The following LVRN variants were observed in gnomAD, a reference collection of about 807,000 sequenced individuals.
The protein encoded by LVRN is aminopeptidase Q.
A neutral mutation model predicts 111.4 loss-of-function variants in LVRN; 99 were observed. The ratio of observed to expected loss-of-function variants is 0.89; its 90% CI spans 0.76 to 1.05. The LOEUF is 1.05. Among genes scored for constraint, LVRN ranks in the 50% least tolerant of loss-of-function variants. The probability of loss-of-function intolerance (pLI) is 0.00; values close to 1 mark genes in which losing one functional copy is unlikely to be tolerated. For missense variants in LVRN, 1,414 were observed against 1,206.8 expected (o/e 1.17, Z -2.54); for synonymous variants, 488 against 449.5 (o/e 1.09, Z -1.08).
intron 12 of LVRN, 23 bp from the exon 13 acceptor site, chr5:116,005,889 C>T (rs778007192): frequency 1.3e-6 from 2 of 1,575,338 alleles, no homozygotes; most frequent in Non-Finnish European, 1.7e-6. Flanking sequence ...TTCTTCTGGG[C>T]ATATTTGGGT....
intron 5 of LVRN, 78 bp downstream of exon 5, chr5:115,992,355 G>A: frequency 2.0e-6 from 3 of 1,488,026 alleles, no homozygotes; most frequent in Non-Finnish European, 2.8e-6. Flanking sequence ...AAAAACCCCA[G>A]TAAGACCCTG....
chr5:115,970,883 C>A (rs1191311980), intron 1 of LVRN, among the ~76,000 whole-genome samples: 1 of 152,004 alleles, frequency 6.6e-6, no homozygotes, highest in Non-Finnish European at 1.5e-5. Context: ...GAGTAAATAC[C>A]TAAGAGTGGA....
intron 18 of LVRN, 47 bp from the exon 19 acceptor site, chr5:116,022,342 ATT>A: frequency 7.3e-7 from 1 of 1,370,460 alleles, no homozygotes; most frequent in Non-Finnish European, 1.0e-6. Flanking sequence ...ATATAGCTTT[ATT>A]TTGCAAAATG....
rs1314362294 is a variant in LVRN, at chr5:115,992,349, AC to A, written c.1260+76del. 13 of 1,544,016 alleles carry A rather than the reference AC, an allele frequency of 8.4e-6. No individual in the cohort carries two copies. The African/African-American group carries it at 1.1e-4, about 13-fold the overall frequency. On this transcript the variant is annotated intron_variant, in intron 5 of 19. Coordinates refer to ENST00000357872, the MANE Select transcript of LVRN (RefSeq NM_173800.5). Reference sequence around the variant, plus strand: ...GGTGCGCTACCAAAATAGCATAAAAACCCCAGTAAGACCCTGCCATATACCA... The same window carrying A: ...GGTGCGCTACCAAAATAGCATAAAAACCCAGTAAGACCCTGCCATATACCA...
At position 116,010,914 on chromosome 5, in the gene LVRN, T is replaced by C; in HGVS notation, c.2247+20T>C. The C allele has an allele frequency of 6.6e-7, 1 of 1,515,976 alleles. No individual in the cohort carries two copies. Among genetic ancestry groups the C allele is most frequent in the Non-Finnish European group, 8.8e-7 (1 of 1,132,540 alleles). 93.9% of individuals were successfully genotyped at this position (1,515,976 alleles called of 1,614,324 possible). A position where few individuals can be genotyped will look rare whatever the true frequency, so the allele number is the denominator to read the frequency against. On this transcript the variant is annotated intron_variant, in intron 14 of 19. Transcript: ENST00000357872. ...TTAAAGGTAATTTCATTCTTTCTTATGTAGTTTTTAAATAAATCCTCTCTT... is the reference window on the plus strand; with the variant it reads ...TTAAAGGTAATTTCATTCTTTCTTACGTAGTTTTTAAATAAATCCTCTCTT...
At chr5:115,972,402 T>G (rs1300695255) in intron 1 of LVRN, among the ~76,000 whole-genome samples, 1 of 151,738 alleles carries the variant, frequency 6.6e-6, no homozygotes, top group African/African-American at 2.4e-5. Context: ...TTCTAATTGT[T>G]GCTAATTAAT....
In LVRN at chr5:116,001,168, G is replaced by A. The variant is rs1748230077; in HGVS notation, c.1749G>A (p.Val583=). ...GTTTTCCAGTGATCACTTTAAATGT[G>A]TCTACTGGCGTCATGAAACAGGAGC... ...QSGFPVITLN[V]STGVMKQEPF... Residue 583 remains valine, a synonymous_variant, in exon 10 of 20, where the codon GTG becomes GTA. Coordinates refer to ENST00000357872, the MANE Select transcript of LVRN (RefSeq NM_173800.5). 1 of 1,613,800 alleles carries A rather than the reference G, an allele frequency of 6.2e-7. No individual in the cohort carries two copies. The highest frequency in any genetic ancestry group is 1.1e-5 in the South Asian group (1 of 91,026).
chr5:115,991,979 T>C, intron 4 of LVRN, 144 bp from the exon 5 acceptor site: 1 of 682,256 alleles, frequency 1.5e-6, no homozygotes, highest in Non-Finnish European at 2.3e-6. Context: ...TTGGCATTAG[T>C]CTTTAAAAAG....
chr5:116,014,405 G>T lies in LVRN; in HGVS notation c.2343-15G>T, dbSNP rs747884533. 4.4e-6 allele frequency: 7 copies of T among 1,593,932 alleles called. No individual in the cohort carries two copies. The highest frequency in any genetic ancestry group is 5.2e-6 in the Non-Finnish European group (6 of 1,164,708). Reference sequence around the variant, plus strand: ...AATGCAAAATAAACTGTTTTTCTTTGACTTTTTCTTCAAGAATATCACTGG... The same window carrying T: ...AATGCAAAATAAACTGTTTTTCTTTTACTTTTTCTTCAAGAATATCACTGG... On this transcript the variant is annotated splice_polypyrimidine_tract_variant and intron_variant, in intron 15 of 19. Transcript: ENST00000357872.
intron 1 of LVRN, among the ~76,000 whole-genome samples, chr5:115,966,466 G>A (rs1753205853): frequency 6.6e-6 from 1 of 152,264 alleles, no homozygotes; most frequent in South Asian, 2.1e-4. Context: ...TATTTTAGTT[G>A]TTTCCAGTTT....
rs140751754 is a variant in LVRN, at chr5:116,016,101, A to G, written c.2756+336A>G. Among the ~76,000 whole-genome samples the G allele has an allele frequency of 4.8e-3, 728 of 152,292 alleles. 19 individuals carry two copies. The highest frequency in any genetic ancestry group is 1.5e-3 in the Non-Finnish European group (104 of 68,030). On this transcript the variant is annotated intron_variant, in intron 18 of 19. Transcript: ENST00000357872. ...TCTGCTACAAAATGTTTCAGACTCAAATTAATTTGCTTTCTACATCTTATG... is the reference window on the plus strand; with the variant it reads ...TCTGCTACAAAATGTTTCAGACTCAGATTAATTTGCTTTCTACATCTTATG...
At chr5:116,019,307 C>G (rs1022295732) in intron 18 of LVRN, among the ~76,000 whole-genome samples, 4 of 152,190 alleles carry the variant, frequency 2.6e-5, no homozygotes, top group East Asian at 3.8e-4. Flanking sequence ...TTTGTAGCTC[C>G]TTTTTAATCT....
chr5:116,016,318 A>G (rs1319329148), intron 18 of LVRN, among the ~76,000 whole-genome samples: 1 of 152,210 alleles, frequency 6.6e-6, no homozygotes. Flanking sequence ...CTGAATATTT[A>G]ATTATCACTA....
In LVRN at chr5:116,005,795, T is replaced by G. The variant is rs746204569; in HGVS notation, c.2038-117T>G. The G allele has an allele frequency of 1.8e-5, 14 of 786,752 alleles. No individual in the cohort carries two copies. In the Admixed American group the frequency reaches 2.6e-4, roughly 15 times the overall value. 48.7% of individuals were successfully genotyped at this position (786,752 alleles called of 1,614,324 possible). A position where few individuals can be genotyped will look rare whatever the true frequency, so the allele number is the denominator to read the frequency against. ...AATTGTTGTTTCTCTGCAGATGAGA[T>G]AAGTCACGTGAAGGTGCTTTATAGG... On this transcript the variant is annotated intron_variant, in intron 12 of 19. Coordinates refer to ENST00000357872, the MANE Select transcript of LVRN (RefSeq NM_173800.5).
chr5:115,972,137 C>T (rs1185848439), intron 1 of LVRN, among the ~76,000 whole-genome samples: 1 of 151,886 alleles, frequency 6.6e-6, no homozygotes, highest in Non-Finnish European at 1.5e-5. Context: ...CACAGATACA[C>T]CACCAAAAGT....
Position 115,962,756 on chromosome 5 carries a change from G to A in LVRN, c.139G>A (p.Glu47Lys). 6.2e-7 allele frequency: 1 copy of A among 1,612,172 alleles called. No homozygotes were observed. ...YGHCERVPPS[E>K]LPGLRDLEAE... Reference sequence around the variant, plus strand: ...CCACTGCGAGCGCGTCCCACCGTCGGAGCTGCCTGGACTCAGGGACTTGGA... The same window carrying A: ...CCACTGCGAGCGCGTCCCACCGTCGAAGCTGCCTGGACTCAGGGACTTGGA... Residue 47 changes from glutamate (E) to lysine (K), a missense_variant, in exon 1 of 20, where the codon GAG becomes AAG. Transcript: ENST00000357872.
rs758853097 is a variant in LVRN, at chr5:115,992,152, C to T, written c.1135C>T (p.His379Tyr). 6.2e-7 allele frequency: 1 copy of T among 1,613,524 alleles called. No homozygotes were observed. The highest frequency in any genetic ancestry group is 2.2e-5 in the East Asian group (1 of 44,866). The change falls in exon 5 of 20, where the codon CAT becomes TAT. Residue 379 changes from histidine to tyrosine, a missense_variant. By Grantham distance (83) the His-to-Tyr change is moderately conservative. Transcript: ENST00000357872. The stretch of plus-strand genomic sequence containing the variant: ...AATTGCCTTGCCTAGTTTTGACAAC[C>T]ATGCAATGGAAAACTGGGGACTAAT... ...DIIALPSFDN[H>Y]AMENWGLMIF... is the part of the protein sequence containing the mutation.
At chr5:115,973,272 T>C (rs1277485954) in intron 1 of LVRN, among the ~76,000 whole-genome samples, 1 of 152,206 alleles carries the variant, frequency 6.6e-6, no homozygotes, top group Non-Finnish European at 1.5e-5. Flanking sequence ...TCTTGATGCA[T>C]TAGCCTTTTA....
chr5:116,018,007 T>C (rs374553392), intron 18 of LVRN, among the ~76,000 whole-genome samples: 12 of 152,208 alleles, frequency 7.9e-5, no homozygotes, highest in Admixed American at 2.6e-4. Flanking sequence ...GTGCCTGTAA[T>C]CCCAGCACTT....
Sources: allele counts gnomAD v4.1 joint callset (sites outside exome capture counted in the v4.1 genomes callset), GRCh38; gene constraint gnomAD v4.1.1; transcripts MANE v1.5; gene names NCBI Gene and HGNC (gene_info 2026-07-23, HGNC 2026-07-21).